CTNNA2: variants seen among roughly 807,000 people sequenced by gnomAD.
CTNNA2 encodes catenin alpha 2, also known as catenin alpha-2.
In CTNNA2, 42 loss-of-function variants were observed where a neutral mutation model predicts 101.0. The observed-to-expected ratio is 0.42, with a 90% CI of 0.32 to 0.54. The LOEUF (loss-of-function observed/expected upper bound fraction) is 0.54. CTNNA2 is among the 20% of genes least tolerant of loss of function. The pLI, the probability that CTNNA2 is intolerant of heterozygous loss-of-function variation, is 0.14. For synonymous variants in CTNNA2, 450 were observed against 456.4 expected (o/e 0.99, Z 0.18); for missense variants, 871 against 1,223.1 (o/e 0.71, Z 4.29).
chr2:80,462,172 C>T (rs1034020452), intron 9 of CTNNA2, among the ~76,000 whole-genome samples: 5 of 152,140 alleles, frequency 3.3e-5, no homozygotes, highest in Admixed American at 6.6e-5. Context: ...ATAACAACCT[C>T]GGGAGGTGGG....
chr2:79,323,885 G>A (rs1329093144), intron 3 of CTNNA2, among the ~76,000 whole-genome samples: 2 of 152,076 alleles, frequency 1.3e-5, no homozygotes, highest in East Asian at 1.9e-4. Flanking sequence ...AGGATGCCTG[G>A]AACAATGGGA....
intron 12 of CTNNA2, among the ~76,000 whole-genome samples, chr2:80,556,535 C>A (rs540720253): frequency 2.4e-4 from 37 of 152,224 alleles, no homozygotes; most frequent in Non-Finnish European, 4.7e-4. Context: ...CTGCTATGGT[C>A]AGGTATGGTT....
At chr2:79,265,948 A>G (rs914266554) in intron 2 of CTNNA2, among the ~76,000 whole-genome samples, 5 of 152,174 alleles carry the variant, frequency 3.3e-5, no homozygotes, top group Non-Finnish European at 5.9e-5. Flanking sequence ...ACTATTCTAG[A>G]GACCTCAAGA....
chr2:79,371,158 G>A (rs1677862975), intron 3 of CTNNA2, among the ~76,000 whole-genome samples: 1 of 152,078 alleles, frequency 6.6e-6, no homozygotes, highest in African/African-American at 2.4e-5. Context: ...GAGGGGTCTG[G>A]TGCCTTCTCT....
In CTNNA2 at chr2:80,223,052, G is replaced by GT. The variant is rs1480228638; in HGVS notation, c.1057-170152dup. Among the ~76,000 whole-genome samples the GT allele has an allele frequency of 2.6e-5, 4 of 152,066 alleles. No homozygotes were observed. The South Asian group carries it at 8.3e-4, about 32-fold the overall frequency. The stretch of plus-strand genomic sequence containing the variant: ...GTACTCATGCAGCTCTCCATAATCT[G>GT]TTTTTTTACATCCTAGGTTTCAGAT... On this transcript the variant is annotated intron_variant, in intron 7 of 18. Coordinates refer to ENST00000402739, the MANE Select transcript of CTNNA2 (RefSeq NM_001282597.3).
chr2:79,796,394 C>CAAAAAAAA (rs386390569), intron 3 of CTNNA2, among the ~76,000 whole-genome samples: 6 of 94,788 alleles, frequency 6.3e-5, no homozygotes, highest in African/African-American at 1.8e-4. Flanking sequence ...GACTCCGTCT[C>CAAAAAAAA]AAAAAAAAAA....
At chr2:79,526,999 T>C (rs1192227900) in intron 1 of CTNNA2, among the ~76,000 whole-genome samples, 3 of 152,082 alleles carry the variant, frequency 2.0e-5, no homozygotes, top group Non-Finnish European at 2.9e-5. Context: ...AGAAAAATAA[T>C]GTAAATTTGA....
chr2:79,805,947 A>G (rs1229788061), intron 3 of CTNNA2, among the ~76,000 whole-genome samples: 2 of 152,128 alleles, frequency 1.3e-5, no homozygotes, highest in Admixed American at 1.3e-4. Flanking sequence ...CAAAAAAAAA[A>G]AAAGATAAGT....
chr2:79,825,121 C>G (rs1352940904), intron 3 of CTNNA2, among the ~76,000 whole-genome samples: 1 of 152,088 alleles, frequency 6.6e-6, no homozygotes, highest in Non-Finnish European at 1.5e-5. Flanking sequence ...CCCAGGAGTT[C>G]AAGGCTGCCG....
At chr2:79,565,839 C>G (rs1675077173) in intron 1 of CTNNA2, among the ~76,000 whole-genome samples, 1 of 152,004 alleles carries the variant, frequency 6.6e-6, no homozygotes, top group Admixed American at 6.6e-5. Context: ...GGAGAGATCT[C>G]TGCGTGTTTA....
intron 4 of CTNNA2, among the ~76,000 whole-genome samples, chr2:79,864,883 G>A (rs546370197): frequency 2.0e-5 from 3 of 152,244 alleles, no homozygotes; most frequent in South Asian, 2.1e-4. Flanking sequence ...AGTCTCTACC[G>A]GATAAGCATA....
Position 80,539,835 on chromosome 2 carries a change from A to C in CTNNA2, c.1291-5147A>C, listed in dbSNP as rs560330232. Among the ~76,000 whole-genome samples, 125 of 152,332 alleles carry C rather than the reference A, an allele frequency of 8.2e-4. No homozygotes were observed. The Middle Eastern group carries it at 0.01, about 12-fold the overall frequency. ...ATTCCACTTTCAGAAATCCCAGATCAATCTAAATTGCTCAAAATTTAATAC... is the reference window on the plus strand; with the variant it reads ...ATTCCACTTTCAGAAATCCCAGATCCATCTAAATTGCTCAAAATTTAATAC... On this transcript the variant is annotated intron_variant, in intron 9 of 18. Transcript: ENST00000402739.
At chr2:80,631,020 T>C (rs1315759472) in intron 18 of CTNNA2, among the ~76,000 whole-genome samples, 3 of 152,198 alleles carry the variant, frequency 2.0e-5, no homozygotes, top group Admixed American at 1.3e-4. Flanking sequence ...TTCGGTATAA[T>C]TGAAGAATTT....
At chr2:80,522,750 C>T (rs932409999) in intron 9 of CTNNA2, among the ~76,000 whole-genome samples, 3 of 152,088 alleles carry the variant, frequency 2.0e-5, no homozygotes, top group East Asian at 1.9e-4. Flanking sequence ...CACCTTCCTC[C>T]GTGATGGTGA....
chr2:79,586,527 C>CTTTT (rs10629514), intron 1 of CTNNA2, among the ~76,000 whole-genome samples: 4 of 148,040 alleles, frequency 2.7e-5, no homozygotes, highest in African/African-American at 4.9e-5. Flanking sequence ...CTTTTCTTTT[C>CTTTT]TTTTTTTTTA....
At chr2:79,675,505 G>A (rs1170780220) in intron 2 of CTNNA2, among the ~76,000 whole-genome samples, 1 of 152,160 alleles carries the variant, frequency 6.6e-6, no homozygotes, top group Admixed American at 6.5e-5. Context: ...GTAACTTACA[G>A]AAAACCAAAC....
chr2:79,681,829 C>T lies in CTNNA2; in HGVS notation c.102+30171C>T, dbSNP rs115919914. On this transcript the variant is annotated intron_variant, in intron 2 of 18. Transcript: ENST00000402739. ...TTACCGCTTCAGAGGGGAAAAGGCA[C>T]GGGCTTTAGCAATACTGTGAGAAAA... 5.4e-3 allele frequency among the ~76,000 whole-genome samples: 817 copies of T among 152,266 alleles called. 9 individuals carry two copies. Among genetic ancestry groups the T allele is most frequent in the African/African-American group, 0.019 (777 of 41,558 alleles).
chr2:80,494,574 G>T (rs1296461916), intron 9 of CTNNA2, among the ~76,000 whole-genome samples: 3 of 146,962 alleles, frequency 2.0e-5, no homozygotes, highest in Non-Finnish European at 4.5e-5. Context: ...GGGCAGAAGA[G>T]GAGTTAGGAG....
At chr2:80,544,960 A>C (rs1005835327) in intron 9 of CTNNA2, 22 bp from the exon 10 acceptor site, 2 of 1,607,706 alleles carry the variant, frequency 1.2e-6, no homozygotes, top group Admixed American at 1.7e-5. Flanking sequence ...CCTAATATTC[A>C]CTAAAATCCT....
Sources: gnomAD v4.1 joint callset for allele counts (sites outside exome capture counted in the v4.1 genomes callset) on GRCh38, gnomAD v4.1.1 for gene constraint, MANE v1.5 for transcripts, NCBI Gene and HGNC (gene_info 2026-07-23, HGNC 2026-07-21) for gene names.